Variants in MAP2K1 observed in about 807,000 individuals in gnomAD.
MAP2K1 encodes the protein mitogen-activated protein kinase kinase 1, also known as dual specificity mitogen-activated protein kinase kinase 1.
A neutral mutation model predicts 46.3 loss-of-function variants in MAP2K1; 16 were observed. That is an observed-to-expected ratio of 0.35 (90% CI 0.23 to 0.52). MAP2K1 has a LOEUF of 0.52. MAP2K1 is among the 20% of genes least tolerant of loss of function. The pLI is 0.94. For synonymous variants in MAP2K1, 183 were observed against 185.6 expected, an observed-to-expected ratio of 0.99 and a Z score of 0.11; for missense variants, 263 against 497.1, an observed-to-expected ratio of 0.53 and a Z score of 4.48.
intron 5 of MAP2K1, among the ~76,000 whole-genome samples, chr15:66,454,540 C>G (rs1892114329): frequency 6.6e-6 from 1 of 152,072 alleles, no homozygotes; most frequent in South Asian, 2.1e-4. Flanking sequence ...TTTATGATTA[C>G]CAGCAACAGA....
In MAP2K1 at chr15:66,490,766, T is replaced by C. The variant is rs1893230188; in HGVS notation, c.*151T>C. 4 of 709,228 alleles carry C rather than the reference T, an allele frequency of 5.6e-6. No homozygotes were observed. Among genetic ancestry groups the C allele is most frequent in the Non-Finnish European group, 1.0e-5 (4 of 387,938 alleles). 43.9% of individuals were successfully genotyped at this position (709,228 alleles called of 1,614,324 possible). On this transcript the variant is annotated 3_prime_UTR_variant, in exon 11 of 11. Coordinates refer to ENST00000307102, the MANE Select transcript of MAP2K1 (RefSeq NM_002755.4). ...AGCATGTGCCAAGATTCTACTCTTG[T>C]CATTTTTAATATTACTGTCTTTATT...
At chr15:66,465,156 G>A (rs545698961) in intron 5 of MAP2K1, among the ~76,000 whole-genome samples, 3 of 152,030 alleles carry the variant, frequency 2.0e-5, no homozygotes, top group Admixed American at 6.5e-5. Flanking sequence ...ACTGGGAGGC[G>A]GAGGTTGCAG....
At chr15:66,458,574 T>C (rs1892232337) in intron 5 of MAP2K1, among the ~76,000 whole-genome samples, 1 of 152,204 alleles carries the variant, frequency 6.6e-6, no homozygotes, top group African/African-American at 2.4e-5. Flanking sequence ...TGGAATGTGG[T>C]GGTGCGATCA....
At chr15:66,392,255 G>GTTTTTTTTTTTTTTTTTTTTTTTTTTTTT (rs58831070) in intron 1 of MAP2K1, among the ~76,000 whole-genome samples, 2 of 97,758 alleles carry the variant, frequency 2.0e-5, no homozygotes, top group African/African-American at 9.1e-5. Context: ...TTTTTTTTGG[G>GTTTTTTTTTTTTTTTTTTTTTTTTTTTTT]TTTTTTTTTT....
chr15:66,474,567 T>A (rs1234346774), intron 5 of MAP2K1, among the ~76,000 whole-genome samples: 1 of 152,160 alleles, frequency 6.6e-6, no homozygotes, highest in Non-Finnish European at 1.5e-5. Flanking sequence ...CAATAAGGGC[T>A]CTTGTGAAAC....
At chr15:66,489,356 T>C (rs1485452141) in intron 9 of MAP2K1, 80 bp downstream of exon 9, 4 of 1,326,338 alleles carry the variant, frequency 3.0e-6, no homozygotes, top group East Asian at 4.6e-5. Flanking sequence ...AGCACCAGCA[T>C]TGCTTCTGCA....
intron 1 of MAP2K1, among the ~76,000 whole-genome samples, chr15:66,427,871 G>A (rs1488139538): frequency 6.6e-6 from 1 of 151,914 alleles, no homozygotes; most frequent in Non-Finnish European, 1.5e-5. Context: ...AAAATTAGCC[G>A]GGCGTGGTGG....
At chr15:66,480,959 T>G (rs1439918861) in intron 5 of MAP2K1, among the ~76,000 whole-genome samples, 3 of 152,094 alleles carry the variant, frequency 2.0e-5, no homozygotes, top group Non-Finnish European at 4.4e-5. Context: ...AGAAAAAATG[T>G]TTGGAAATTT....
At chr15:66,489,811 T>G in intron 10 of MAP2K1, 48 bp downstream of exon 10, 1 of 1,477,596 alleles carries the variant, frequency 6.8e-7, no homozygotes. Context: ...TATTCATTTG[T>G]TCTTCTCTGT....
At chr15:66,414,436 C>A (rs2093419779) in intron 1 of MAP2K1, among the ~76,000 whole-genome samples, 2 of 152,110 alleles carry the variant, frequency 1.3e-5, no homozygotes, top group South Asian at 2.1e-4. Flanking sequence ...TCAGGAGCAG[C>A]CAAAAGAAGA....
intron 6 of MAP2K1, 94 bp from the exon 7 acceptor site, chr15:66,484,896 T>C (rs1595886175): frequency 1.9e-6 from 2 of 1,042,558 alleles, no homozygotes; most frequent in Non-Finnish European, 3.0e-6. Context: ...AAACAGGATA[T>C]GAACTATTGA....
At position 66,420,910 on chromosome 15, in the gene MAP2K1, CACACAT is replaced by C. The variant is rs1267305930; in HGVS notation, c.81-14113_81-14108del. On this transcript the variant is annotated intron_variant, in intron 1 of 10. Coordinates refer to ENST00000307102, the MANE Select transcript of MAP2K1 (RefSeq NM_002755.4). ...GTATATATACACATACATACATACA[CACACAT>C]ACATACATATATATACACACATACA... Among the ~76,000 whole-genome samples the C allele has an allele frequency of 8.0e-5, 10 of 125,242 alleles. 1 individual carries two copies. The highest frequency in any genetic ancestry group is 2.7e-4 in the East Asian group (1 of 3,670). 82.2% of individuals were successfully genotyped at this position (125,242 alleles called of 152,430 possible).
intron 1 of MAP2K1, among the ~76,000 whole-genome samples, chr15:66,430,504 A>G (rs1324557388): frequency 1.3e-5 from 2 of 151,786 alleles, no homozygotes; most frequent in Non-Finnish European, 2.9e-5. Context: ...TCTGGATATC[A>G]CCCCCCTACC....
chr15:66,460,622 G>C (rs1029286853), intron 5 of MAP2K1, among the ~76,000 whole-genome samples: 18 of 152,188 alleles, frequency 1.2e-4, no homozygotes, highest in Admixed American at 1.2e-3. Flanking sequence ...TTTTATCATG[G>C]GCAACAGGAA....
At chr15:66,418,331 C>T (rs1567001878) in intron 1 of MAP2K1, among the ~76,000 whole-genome samples, 1 of 152,170 alleles carries the variant, frequency 6.6e-6, no homozygotes, top group Non-Finnish European at 1.5e-5. Context: ...TGAGGTTTAA[C>T]TGATTGGGTC....
chr15:66,408,890 G>C (rs1259478494), intron 1 of MAP2K1, among the ~76,000 whole-genome samples: 2 of 152,148 alleles, frequency 1.3e-5, no homozygotes, highest in East Asian at 3.8e-4. Flanking sequence ...ACCCTCCGGA[G>C]CACTCTGTAC....
At chr15:66,460,251 C>G (rs1031954395) in intron 5 of MAP2K1, among the ~76,000 whole-genome samples, 4 of 152,170 alleles carry the variant, frequency 2.6e-5, no homozygotes, top group Non-Finnish European at 4.4e-5. Flanking sequence ...CTCGTTTTAT[C>G]TAGAATTATT....
chr15:66,419,671 G>C (rs1264031205), intron 1 of MAP2K1, among the ~76,000 whole-genome samples: 2 of 152,138 alleles, frequency 1.3e-5, no homozygotes, highest in Admixed American at 1.3e-4. Flanking sequence ...AAGTCTTTGT[G>C]AGTGGGTGGT....
At chr15:66,487,202 A>C in intron 7 of MAP2K1, 26 bp from the exon 8 acceptor site, 1 of 1,605,004 alleles carries the variant, frequency 6.2e-7, no homozygotes, top group Non-Finnish European at 8.5e-7. Context: ...TCTGAGAAGT[A>C]TTTTTTCTTT....
Sources: allele counts gnomAD v4.1 joint callset (sites outside exome capture counted in the v4.1 genomes callset), GRCh38; gene constraint gnomAD v4.1.1; transcripts MANE v1.5; gene names NCBI Gene and HGNC (gene_info 2026-07-23, HGNC 2026-07-21).